MACROD2: variants seen among roughly 807,000 people sequenced by gnomAD.
MACROD2 encodes the protein mono-ADP ribosylhydrolase 2.
MACROD2 carries 36 observed loss-of-function variants against 70.4 expected under a neutral mutation model. The observed-to-expected ratio is 0.51, with a 90% confidence interval of 0.39 to 0.68. MACROD2 has a LOEUF of 0.68. MACROD2 is among the 30% of genes least tolerant of loss of function. MACROD2 has a pLI of 0.00. For missense variants in MACROD2, 496 were observed against 538.4 expected (o/e 0.92, Z 0.78); for synonymous variants, 172 against 178.8 (o/e 0.96, Z 0.30).
intron 5 of MACROD2, among the ~76,000 whole-genome samples, chr20:14,753,866 T>G (rs2071906836): frequency 6.6e-6 from 1 of 152,094 alleles, no homozygotes; most frequent in South Asian, 2.1e-4. Context: ...TACAAATATA[T>G]ATATATATCC....
rs377290199 is a variant in MACROD2 at position 15,529,096 on chromosome 20, C to G, written c.645+29249C>G. On this transcript the variant is annotated intron_variant, in intron 8 of 17. Transcript: ENST00000684519. ...GTCAGTAGTAGACACCACTGCTCCA[C>G]GTGATTGATCAGATTCAGGCTCCTC... Among the ~76,000 whole-genome samples, 5 of 152,278 alleles carry G rather than the reference C, an allele frequency of 3.3e-5. No homozygotes were observed. In the East Asian group the frequency reaches 5.8e-4, roughly 18 times the overall value.
At chr20:15,551,958 C>T (rs1365507776) in intron 8 of MACROD2, among the ~76,000 whole-genome samples, 1 of 151,170 alleles carries the variant, frequency 6.6e-6, no homozygotes, top group African/African-American at 2.4e-5. Flanking sequence ...GCACTTATTA[C>T]TTTCATATAA....
intron 15 of MACROD2, among the ~76,000 whole-genome samples, chr20:16,000,142 G>T (rs555501773): frequency 6.6e-6 from 1 of 151,930 alleles, no homozygotes; most frequent in Non-Finnish European, 1.5e-5. Flanking sequence ...TTACTACCTG[G>T]CCCTTTATAG....
At chr20:15,605,108 C>T (rs1052919528) in intron 8 of MACROD2, among the ~76,000 whole-genome samples, 1 of 152,160 alleles carries the variant, frequency 6.6e-6, no homozygotes, top group Non-Finnish European at 1.5e-5. Context: ...TTTCCTCACA[C>T]TAATATGTCG....
chr20:14,748,162 TA>T, intron 5 of MACROD2, among the ~76,000 whole-genome samples: 1 of 152,212 alleles, frequency 6.6e-6, no homozygotes, highest in East Asian at 1.9e-4. Context: ...AGTTAGTTCC[TA>T]CACGCCTCTT....
intron 5 of MACROD2, among the ~76,000 whole-genome samples, chr20:15,184,650 TC>T (rs2073596558): frequency 6.6e-6 from 1 of 152,168 alleles, no homozygotes; most frequent in Non-Finnish European, 1.5e-5. Flanking sequence ...AGAGTGGCCT[TC>T]ACAGCTTTCA....
intron 8 of MACROD2, among the ~76,000 whole-genome samples, chr20:15,584,589 G>A (rs1332107756): frequency 1.3e-5 from 2 of 152,212 alleles, no homozygotes; most frequent in East Asian, 1.9e-4. Context: ...TGGTGGAAGA[G>A]TTCTATTGTT....
intron 1 of MACROD2, among the ~76,000 whole-genome samples, chr20:14,001,509 C>T (rs997012985): frequency 6.6e-6 from 1 of 151,452 alleles, no homozygotes; most frequent in Non-Finnish European, 1.5e-5. Context: ...ACATACCTGT[C>T]TTAGCATTTT....
intron 3 of MACROD2, among the ~76,000 whole-genome samples, chr20:14,404,607 A>T (rs2083673591): frequency 6.7e-6 from 1 of 148,756 alleles, no homozygotes; most frequent in Non-Finnish European, 1.5e-5. Flanking sequence ...CCAAAAAAAA[A>T]ATAATAATAT....
chr20:15,048,420 C>G (rs1158471761), intron 5 of MACROD2, among the ~76,000 whole-genome samples: 2 of 151,816 alleles, frequency 1.3e-5, no homozygotes, highest in African/African-American at 4.8e-5. Context: ...ACTGTTTCAT[C>G]TCATGTAGGT....
chr20:14,714,191 C>T (rs979359131), intron 5 of MACROD2, among the ~76,000 whole-genome samples: 1 of 152,106 alleles, frequency 6.6e-6, no homozygotes, highest in African/African-American at 2.4e-5. Context: ...GTCAGTATTG[C>T]ACTTTGAGAA....
chr20:15,117,121 A>G (rs2123236947), intron 5 of MACROD2, among the ~76,000 whole-genome samples: 1 of 152,316 alleles, frequency 6.6e-6, no homozygotes, highest in East Asian at 1.9e-4. Context: ...AACATTCAAC[A>G]CTGTTAAAGT....
At chr20:15,067,599 C>T (rs1043444752) in intron 5 of MACROD2, among the ~76,000 whole-genome samples, 1 of 152,136 alleles carries the variant, frequency 6.6e-6, no homozygotes, top group African/African-American at 2.4e-5. Context: ...ATCCACCTGC[C>T]TCAGCCTCCC....
chr20:15,327,507 T>C (rs1241569107), intron 6 of MACROD2, among the ~76,000 whole-genome samples: 1 of 152,058 alleles, frequency 6.6e-6, no homozygotes, highest in African/African-American at 2.4e-5. Context: ...TCCTTCTTCA[T>C]ATGGTGGCAG....
At chr20:15,844,707 C>T (rs1439790967) in intron 8 of MACROD2, among the ~76,000 whole-genome samples, 1 of 152,064 alleles carries the variant, frequency 6.6e-6, no homozygotes, top group African/African-American at 2.4e-5. Context: ...CCTTCTCAAC[C>T]CCCACCATTG....
chr20:14,471,317 G>A (rs893132885), intron 3 of MACROD2, among the ~76,000 whole-genome samples: 17 of 152,158 alleles, frequency 1.1e-4, no homozygotes, highest in African/African-American at 3.6e-4. Flanking sequence ...GAAATCACCC[G>A]CCTTCTACAT....
intron 3 of MACROD2, among the ~76,000 whole-genome samples, chr20:14,341,414 G>A (rs2083011538): frequency 1.3e-5 from 2 of 152,126 alleles, no homozygotes; most frequent in African/African-American, 4.8e-5. Context: ...GAGGCGGGAG[G>A]ATCACCTGAA....
intron 3 of MACROD2, among the ~76,000 whole-genome samples, chr20:14,172,248 TG>T (rs2081227906): frequency 6.6e-6 from 1 of 151,794 alleles, no homozygotes; most frequent in African/African-American, 2.4e-5. Context: ...GGTGAGCCTC[TG>T]AAAGACAGCA....
intron 6 of MACROD2, among the ~76,000 whole-genome samples, chr20:15,419,933 C>A (rs2046205510): frequency 1.3e-5 from 2 of 152,190 alleles, no homozygotes; most frequent in African/African-American, 4.8e-5. Flanking sequence ...TTAATATGAG[C>A]AGGGATTTTG....
Sources: allele counts gnomAD v4.1 joint callset (sites outside exome capture counted in the v4.1 genomes callset), GRCh38; gene constraint gnomAD v4.1.1; transcripts MANE v1.5; gene names NCBI Gene and HGNC (gene_info 2026-07-23, HGNC 2026-07-21).